The following SMAD5 variants were observed in gnomAD, a reference collection of about 807,000 sequenced individuals.
SMAD5 encodes the protein SMAD family member 5.
A neutral mutation model predicts 43.1 loss-of-function variants in SMAD5; 9 were observed. The observed-to-expected ratio is 0.21, with a 90% CI of 0.13 to 0.36. The LOEUF is 0.36. SMAD5 is among the 10% of genes least tolerant of loss of function. The pLI, the probability that SMAD5 is intolerant of heterozygous loss-of-function variation, is 1.00. For missense variants in SMAD5, 348 were observed against 574.0 expected (o/e 0.61, Z 4.02); for synonymous variants, 190 against 192.4 (o/e 0.99, Z 0.10).
At chr5:136,149,430 C>A (rs1452555583) in intron 2 of SMAD5, among the ~76,000 whole-genome samples, 2 of 150,308 alleles carry the variant, frequency 1.3e-5, no homozygotes, top group African/African-American at 2.4e-5. Flanking sequence ...AATGTATATT[C>A]CTACTATCAA....
intron 5 of SMAD5, among the ~76,000 whole-genome samples, chr5:136,169,468 C>T (rs980684210): frequency 2.0e-5 from 3 of 152,202 alleles, no homozygotes; most frequent in Non-Finnish European, 4.4e-5. Context: ...CTAACCATCA[C>T]AGCACCAAAT....
intron 5 of SMAD5, among the ~76,000 whole-genome samples, chr5:136,170,796 A>G (rs1464060445): frequency 6.6e-6 from 1 of 151,978 alleles, no homozygotes; most frequent in Non-Finnish European, 1.5e-5. Context: ...CTATTTTTTT[A>G]TATTTGTGCC....
chr5:136,134,907 GA>G (rs1752822467), intron 1 of SMAD5: 2 of 152,240 alleles, frequency 1.3e-5, no homozygotes, highest in Non-Finnish European at 2.9e-5. Context: ...AAATAAGCAA[GA>G]AAAGTTAGAT....
intron 5 of SMAD5, among the ~76,000 whole-genome samples, chr5:136,170,461 T>A (rs1479529742): frequency 6.6e-6 from 1 of 152,220 alleles, no homozygotes; most frequent in African/African-American, 2.4e-5. Flanking sequence ...TCTTTTATTT[T>A]ATCATGATCT....
At chr5:136,171,405 T>C (rs1362635166) in intron 5 of SMAD5, among the ~76,000 whole-genome samples, 1 of 152,220 alleles carries the variant, frequency 6.6e-6, no homozygotes, top group Admixed American at 6.5e-5. Context: ...CTGAATTGTG[T>C]CGTCCCAAAA....
At chr5:136,155,373 CTCA>C (rs1753601014) in intron 3 of SMAD5, among the ~76,000 whole-genome samples, 2 of 152,140 alleles carry the variant, frequency 1.3e-5, no homozygotes, top group Non-Finnish European at 2.9e-5. Context: ...TATGTCACCT[CTCA>C]TCATTTGTGA....
chr5:136,150,155 A>G (rs1010585030), intron 2 of SMAD5, among the ~76,000 whole-genome samples: 14 of 150,838 alleles, frequency 9.3e-5, no homozygotes, highest in African/African-American at 3.2e-4. Context: ...TCTGTTGCAA[A>G]CTTTTTTTTT....
At chr5:136,144,709 T>C (rs575424858) in intron 1 of SMAD5, among the ~76,000 whole-genome samples, 1 of 151,872 alleles carries the variant, frequency 6.6e-6, no homozygotes, top group African/African-American at 2.4e-5. Context: ...GAGGTGCAAA[T>C]AGAATCTGCT....
chr5:136,153,571 C>T lies in SMAD5; in HGVS notation c.-169-21C>T, dbSNP rs2149768468. On this transcript the variant is annotated intron_variant, in intron 2 of 7. Coordinates refer to ENST00000545279, the MANE Select transcript of SMAD5 (RefSeq NM_005903.7). ...TATTGAATTGATTTAAACTAGGATC[C>T]TTTCCCCCTTTCTCTTTCAGGACTT... 9.6e-6 allele frequency: 5 copies of T among 523,040 alleles called. No homozygotes were observed. The South Asian group carries it at 1.6e-4, about 17-fold the overall frequency. 32.4% of individuals were successfully genotyped at this position (523,040 alleles called of 1,614,324 possible). A position where few individuals can be genotyped will look rare whatever the true frequency, so the allele number is the denominator to read the frequency against.
chr5:136,144,288 A>G (rs1753187845), intron 1 of SMAD5, among the ~76,000 whole-genome samples: 1 of 151,994 alleles, frequency 6.6e-6, no homozygotes, highest in South Asian at 2.1e-4. Context: ...TATGATGCTC[A>G]TGGTTAGCCT....
intron 3 of SMAD5, among the ~76,000 whole-genome samples, chr5:136,154,895 T>G (rs965719026): frequency 6.6e-6 from 1 of 152,212 alleles, no homozygotes; most frequent in Admixed American, 6.5e-5. Context: ...TTTCTGTGTT[T>G]GGCCCCTAAG....
At position 136,181,883 on chromosome 5, in the gene SMAD5, T is replaced by A. The variant is rs1488301105; in HGVS notation, c.*4403T>A. 1.3e-5 allele frequency: 2 copies of A among 152,188 alleles called. No individual in the cohort carries two copies. The highest frequency in any genetic ancestry group is 2.4e-5 in the African/African-American group (1 of 41,462). 9.4% of individuals were successfully genotyped at this position (152,188 alleles called of 1,614,324 possible). Reference sequence around the variant, plus strand: ...TTTCACACATCAATTTTTATTTCTGTTTTGAAGAGCACATGCTATATAATA... The same window carrying A: ...TTTCACACATCAATTTTTATTTCTGATTTGAAGAGCACATGCTATATAATA... On this transcript the variant is annotated 3_prime_UTR_variant, in exon 8 of 8. Coordinates refer to ENST00000545279, the MANE Select transcript of SMAD5 (RefSeq NM_005903.7).
chr5:136,176,870 A>G (rs181669585), intron 7 of SMAD5, among the ~76,000 whole-genome samples: 2 of 152,304 alleles, frequency 1.3e-5, no homozygotes, highest in South Asian at 2.1e-4. Context: ...CTTTGGGGCT[A>G]TGTAAATACA....
intron 3 of SMAD5, among the ~76,000 whole-genome samples, chr5:136,156,492 T>C (rs1753640876): frequency 6.6e-6 from 1 of 152,162 alleles, no homozygotes; most frequent in African/African-American, 2.4e-5. Flanking sequence ...ATAGCAGTGA[T>C]TATGCTGTCT....
At chr5:136,156,795 A>G (rs576719279) in intron 3 of SMAD5, among the ~76,000 whole-genome samples, 2 of 152,340 alleles carry the variant, frequency 1.3e-5, no homozygotes, top group South Asian at 4.1e-4. Context: ...GATTCATTCT[A>G]TAGAAAAGAC....
intron 2 of SMAD5, among the ~76,000 whole-genome samples, chr5:136,152,481 A>G (rs770571727): frequency 6.6e-6 from 1 of 152,156 alleles, no homozygotes; most frequent in Non-Finnish European, 1.5e-5. Context: ...CCAGTCCAGA[A>G]TAATATTGAT....
intron 1 of SMAD5, among the ~76,000 whole-genome samples, chr5:136,142,687 G>T (rs1753123703): frequency 6.6e-6 from 1 of 152,098 alleles, no homozygotes; most frequent in African/African-American, 2.4e-5. Context: ...AGTCCCTCCA[G>T]TTTCTAGTGT....
At chr5:136,141,096 A>G (rs904615928) in intron 1 of SMAD5, among the ~76,000 whole-genome samples, 3 of 152,130 alleles carry the variant, frequency 2.0e-5, no homozygotes, top group Non-Finnish European at 2.9e-5. Context: ...GGTATCTGGG[A>G]TGAGAGCTAA....
At chr5:136,133,721 T>C in intron 1 of SMAD5, 1 of 153,462 alleles carries the variant, frequency 6.5e-6, no homozygotes. Context: ...TCCCCTCCCC[T>C]TTTCCCCTCT....
Sources: gnomAD v4.1 joint callset for allele counts (sites outside exome capture counted in the v4.1 genomes callset) on GRCh38, gnomAD v4.1.1 for gene constraint, MANE v1.5 for transcripts, NCBI Gene and HGNC (gene_info 2026-07-23, HGNC 2026-07-21) for gene names.